Variants in SPARCL1 observed in about 807,000 individuals in gnomAD.
The protein encoded by SPARCL1 is SPARC-like protein 1.
Under a neutral mutation model 67.1 loss-of-function variants are expected in SPARCL1, and 52 were observed. That is an observed-to-expected ratio of 0.78 (90% confidence interval 0.62 to 0.98). The LOEUF is 0.98. Among genes scored for constraint, SPARCL1 ranks in the 50% least tolerant of loss-of-function variants. The pLI, the probability that SPARCL1 is intolerant of heterozygous loss-of-function variation, is 0.00. For missense variants in SPARCL1, 717 were observed against 782.4 expected (o/e 0.92, Z 1.00); for synonymous variants, 226 against 267.8 (o/e 0.84, Z 1.52).
At chr4:87,482,315 G>A (rs1723853644) in intron 8 of SPARCL1, 109 bp downstream of exon 8, 1 of 1,152,738 alleles carries the variant, frequency 8.7e-7, no homozygotes, top group East Asian at 2.5e-5. Flanking sequence ...GCATGGGGAA[G>A]CATAGTGGGC....
At chr4:87,503,566 T>C (rs1263674589) in intron 1 of SPARCL1, among the ~76,000 whole-genome samples, 2 of 152,190 alleles carry the variant, frequency 1.3e-5, no homozygotes, top group Non-Finnish European at 2.9e-5. Flanking sequence ...CCATTTCATA[T>C]TTTCTTCATA....
At chr4:87,482,373 C>T in intron 8 of SPARCL1, 51 bp downstream of exon 8, 2 of 1,596,786 alleles carry the variant, frequency 1.3e-6, no homozygotes, top group Non-Finnish European at 8.5e-7. Context: ...CGTCTTTCTT[C>T]CTCATGCCCT....
intron 7 of SPARCL1, 67 bp downstream of exon 7, chr4:87,490,206 C>T: frequency 6.8e-7 from 1 of 1,474,270 alleles, no homozygotes; most frequent in Non-Finnish European, 9.0e-7. Context: ...ATAGATAATT[C>T]AGGCATGTCC....
intron 2 of SPARCL1, chr4:87,497,246 T>A (rs2110232930): frequency 1.0e-6 from 1 of 983,706 alleles, no homozygotes. Context: ...TCACCTAAGA[T>A]GGGTAATGAA....
At chr4:87,491,943 C>CCCA (rs1724355663) in intron 4 of SPARCL1, among the ~76,000 whole-genome samples, 2 of 110,010 alleles carry the variant, frequency 1.8e-5, no homozygotes, top group African/African-American at 5.8e-5. Flanking sequence ...CATCTCTACC[C>CCCA]ACCCCCCCCC....
In SPARCL1 at chr4:87,491,571, T is replaced by C. The variant is rs780139714; in HGVS notation, c.1291+47A>G. ...GACAAGCCCAAAGTGGCAGATTCCA[T>C]TTCTTCCTTGATATAGTCACAAACA... is the stretch of plus-strand genomic sequence containing the variant. On this transcript the variant is annotated intron_variant, in intron 5 of 10. Coordinates refer to ENST00000282470, the MANE Select transcript of SPARCL1 (RefSeq NM_004684.6). The C allele has an allele frequency of 2.7e-6, 4 of 1,476,720 alleles. No homozygotes were observed. The East Asian group carries it at 9.0e-5, about 33-fold the overall frequency. The allele number at this position is 1,476,720 out of a possible 1,614,324, so 91.5% of individuals were successfully genotyped here.
chr4:87,493,571 A>T lies in SPARCL1; in HGVS notation c.1218+11T>A, dbSNP rs898671549. On this transcript the variant is annotated intron_variant, in intron 4 of 10. Coordinates refer to ENST00000282470, the MANE Select transcript of SPARCL1 (RefSeq NM_004684.6). ...GCTTTATTGGACAAGGACCATTTAA[A>T]ATAATTTTACCTCTTGGTGCTCTCC... The T allele has an allele frequency of 3.8e-6, 6 of 1,589,176 alleles. No homozygotes were observed. The highest frequency in any genetic ancestry group is 5.1e-6 in the Non-Finnish European group (6 of 1,167,624).
intron 1 of SPARCL1, chr4:87,528,175 T>C (rs1015029315): frequency 6.7e-6 from 1 of 148,984 alleles, no homozygotes; most frequent in East Asian, 2.0e-4. Flanking sequence ...AAAGCATGTT[T>C]TTTTTTCTTT....
chr4:87,525,161 T>TAA (rs1475140544), intron 1 of SPARCL1, among the ~76,000 whole-genome samples: 1 of 126,328 alleles, frequency 7.9e-6, no homozygotes, highest in African/African-American at 3.0e-5. Context: ...AGACTCTGTC[T>TAA]CAAAAAAAAA....
intron 7 of SPARCL1, among the ~76,000 whole-genome samples, chr4:87,483,198 T>G (rs890937959): frequency 3.3e-5 from 5 of 150,810 alleles, no homozygotes; most frequent in Non-Finnish European, 7.4e-5. Flanking sequence ...CAACCCATCA[T>G]CTACATTAGG....
At chr4:87,480,594 A>G (rs1723780379) in intron 8 of SPARCL1, 74 bp from the exon 9 acceptor site, 2 of 1,399,034 alleles carry the variant, frequency 1.4e-6, no homozygotes, top group Admixed American at 4.3e-5. Flanking sequence ...TATAAACTTT[A>G]CTTGAAGAGT....
intron 8 of SPARCL1, among the ~76,000 whole-genome samples, chr4:87,481,076 A>G (rs928793699): frequency 2.0e-5 from 3 of 152,186 alleles, no homozygotes; most frequent in African/African-American, 7.2e-5. Context: ...GACGGGGGCT[A>G]GAAATTATTC....
At chr4:87,487,123 G>C (rs1490436394) in intron 7 of SPARCL1, among the ~76,000 whole-genome samples, 2 of 151,718 alleles carry the variant, frequency 1.3e-5, no homozygotes, top group Non-Finnish European at 2.9e-5. Flanking sequence ...GTGTGAATTT[G>C]ATCCTGTCAT....
chr4:87,525,254 C>A (rs781074517), intron 1 of SPARCL1, among the ~76,000 whole-genome samples: 1 of 152,138 alleles, frequency 6.6e-6, no homozygotes. Context: ...TAGCAGCCAA[C>A]CTTTACCATG....
intron 1 of SPARCL1, among the ~76,000 whole-genome samples, chr4:87,517,349 G>A (rs1578115936): frequency 6.6e-6 from 1 of 152,074 alleles, no homozygotes; most frequent in East Asian, 1.9e-4. Flanking sequence ...TAAACTCTTG[G>A]CTTCACAAAC....
chr4:87,488,633 T>A (rs1724175034), intron 7 of SPARCL1, among the ~76,000 whole-genome samples: 4 of 152,194 alleles, frequency 2.6e-5, no homozygotes, highest in Non-Finnish European at 4.4e-5. Context: ...TGCTGGGAGA[T>A]CTGCTGCTCT....
chr4:87,505,724 G>GGTTTTTTTT (rs55992030), intron 1 of SPARCL1, among the ~76,000 whole-genome samples: 3 of 141,112 alleles, frequency 2.1e-5, no homozygotes. Flanking sequence ...TCAGCTAATT[G>GGTTTTTTTT]TTTTTTTTTT....
At chr4:87,485,017 A>G (rs903846896) in intron 7 of SPARCL1, among the ~76,000 whole-genome samples, 1 of 151,948 alleles carries the variant, frequency 6.6e-6, no homozygotes, top group African/African-American at 2.4e-5. Flanking sequence ...GCAAACAGGG[A>G]CAATTTGACT....
chr4:87,483,194 A>G (rs945771885), intron 7 of SPARCL1, among the ~76,000 whole-genome samples: 2 of 151,680 alleles, frequency 1.3e-5, no homozygotes, highest in Admixed American at 6.6e-5. Context: ...CCATCAACCC[A>G]TCATCTACAT....
Sources: allele counts gnomAD v4.1 joint callset (sites outside exome capture counted in the v4.1 genomes callset), GRCh38; gene constraint gnomAD v4.1.1; transcripts MANE v1.5; gene names NCBI Gene and HGNC (gene_info 2026-07-23, HGNC 2026-07-21).